RNF130: variants seen among roughly 807,000 people sequenced by gnomAD.
The protein encoded by RNF130 is E3 ubiquitin-protein ligase RNF130.
In RNF130, 21 loss-of-function variants were observed where a neutral mutation model predicts 44.6. The observed-to-expected ratio is 0.47, with a 90% CI of 0.33 to 0.68. The LOEUF is 0.68. Among genes scored for constraint, RNF130 ranks in the 30% least tolerant of loss-of-function variants. RNF130 has a pLI of 0.02. For missense variants in RNF130, 479 were observed against 560.6 expected (o/e 0.85, Z 1.47); for synonymous variants, 214 against 210.4 (o/e 1.02, Z -0.15).
At chr5:180,024,722 A>G (rs926463240) in intron 2 of RNF130, among the ~76,000 whole-genome samples, 7 of 152,244 alleles carry the variant, frequency 4.6e-5, no homozygotes, top group Non-Finnish European at 8.8e-5. Flanking sequence ...TTCAGAAAGA[A>G]ATAAAGAACA....
At chr5:179,922,053 G>C (rs1761640289) in intron 7 of RNF130, among the ~76,000 whole-genome samples, 1 of 151,448 alleles carries the variant, frequency 6.6e-6, no homozygotes, top group Non-Finnish European at 1.5e-5. Flanking sequence ...GAAAAAAAAA[G>C]ATGGCCCTAC....
Position 179,980,010 on chromosome 5 carries a change from T to G in RNF130, c.765+119A>C, listed in dbSNP as rs12522345. On this transcript the variant is annotated intron_variant, in intron 4 of 8. Transcript: ENST00000521389. ...TAGTTTAAAATAAAGCATTAGGTAG[T>G]GTAGTTGGAGAAAATCTAACGAATG... The G allele has an allele frequency of 4.6e-5, 36 of 786,222 alleles. No homozygotes were observed. The Admixed American group carries it at 7.3e-4, about 16-fold the overall frequency. 48.7% of individuals were successfully genotyped at this position (786,222 alleles called of 1,614,324 possible). A position where few individuals can be genotyped will look rare whatever the true frequency, so the allele number is the denominator to read the frequency against.
At chr5:179,930,207 G>GCA (rs1761787564) in intron 7 of RNF130, among the ~76,000 whole-genome samples, 1 of 152,024 alleles carries the variant, frequency 6.6e-6, no homozygotes, top group African/African-American at 2.4e-5. Context: ...ACAGGCATCT[G>GCA]CCACCACACC....
chr5:179,986,425 T>C (rs969676626), intron 3 of RNF130, among the ~76,000 whole-genome samples: 23 of 152,186 alleles, frequency 1.5e-4, no homozygotes, highest in African/African-American at 4.1e-4. Context: ...ACAGGTCCCA[T>C]GGTGTAATAT....
At position 179,966,830 on chromosome 5, in the gene RNF130, C is replaced by T; in HGVS notation, c.1126G>A (p.Gly376Arg). 2.5e-6 allele frequency: 4 copies of T among 1,614,058 alleles called. No individual in the cohort carries two copies. Among genetic ancestry groups the T allele is most frequent in the Non-Finnish European group, 3.4e-6 (4 of 1,179,974 alleles). Residue 376 changes from glycine to arginine, a missense_variant, in exon 7 of 9, where the codon GGA (glycine) becomes AGA (arginine). Physicochemically the swap from Gly to Arg is moderately radical, Grantham distance 125. This residue lies in a region of RNF130 where 161 missense variants were observed against 158.6 expected (regional missense o/e 1.02). Coordinates refer to ENST00000521389, the MANE Select transcript of RNF130 (RefSeq NM_018434.6). ...PQDGELTPRT[G>R]EINIAVTKEW... ...CTTGTTACTGCAATGTTGATTTCTCCTGTTCTCGGAGTGAGCTCCCCATCC... is the reference window on the plus strand; with the variant it reads ...CTTGTTACTGCAATGTTGATTTCTCTTGTTCTCGGAGTGAGCTCCCCATCC...
At chr5:180,033,796 T>C (rs1307666889) in intron 2 of RNF130, among the ~76,000 whole-genome samples, 1 of 152,188 alleles carries the variant, frequency 6.6e-6, no homozygotes, top group Non-Finnish European at 1.5e-5. Flanking sequence ...TCTAGTGGTT[T>C]TTAATAAATT....
At chr5:180,001,439 C>G (rs148475832) in intron 3 of RNF130, among the ~76,000 whole-genome samples, 2 of 152,258 alleles carry the variant, frequency 1.3e-5, no homozygotes, top group Non-Finnish European at 2.9e-5. Flanking sequence ...CCCACATGGT[C>G]AGGATCTGTG....
chr5:179,954,341 C>A (rs1762169369), downstream of RNF130, among the ~76,000 whole-genome samples: 1 of 152,212 alleles, frequency 6.6e-6, no homozygotes, highest in African/African-American at 2.4e-5. Context: ...GGAAACAAGT[C>A]AAGCGTCCAT....
At chr5:180,003,801 T>A (rs1178624425) in intron 3 of RNF130, among the ~76,000 whole-genome samples, 1 of 152,222 alleles carries the variant, frequency 6.6e-6, no homozygotes, top group East Asian at 1.9e-4. Context: ...GTCTCTTACC[T>A]TCACCTAAAC....
At chr5:179,997,610 G>T (rs1287645433) in intron 3 of RNF130, among the ~76,000 whole-genome samples, 1 of 152,040 alleles carries the variant, frequency 6.6e-6, no homozygotes, top group Non-Finnish European at 1.5e-5. Context: ...TTACAGGTGT[G>T]AGCCACCGCG....
At chr5:180,015,011 A>G (rs188421169) in intron 2 of RNF130, among the ~76,000 whole-genome samples, 4 of 152,306 alleles carry the variant, frequency 2.6e-5, no homozygotes, top group Non-Finnish European at 2.9e-5. Flanking sequence ...CAACAGTAAA[A>G]GGAGTTTTAT....
chr5:179,980,053 G>T (rs1412340655), intron 4 of RNF130, 76 bp downstream of exon 4: 5 of 1,160,354 alleles, frequency 4.3e-6, no homozygotes, highest in Non-Finnish European at 6.5e-6. Flanking sequence ...AACAATTAGG[G>T]TGTGTCCTCT....
At chr5:180,022,548 T>C (rs897876998) in intron 2 of RNF130, among the ~76,000 whole-genome samples, 1 of 152,186 alleles carries the variant, frequency 6.6e-6, no homozygotes, top group South Asian at 2.1e-4. Context: ...TCTCCTTACA[T>C]CTGATTATGG....
chr5:180,069,046 C>T lies in RNF130; in HGVS notation c.247+2410G>A, dbSNP rs116554352. 7.6e-4 allele frequency among the ~76,000 whole-genome samples: 115 copies of T among 152,232 alleles called. 1 individual carries two copies. The highest frequency in any genetic ancestry group is 2.7e-3 in the African/African-American group (111 of 41,546). On this transcript the variant is annotated intron_variant, in intron 1 of 8. Coordinates refer to ENST00000521389, the MANE Select transcript of RNF130 (RefSeq NM_018434.6). Reference sequence around the variant, plus strand: ...TATAATGTAAAATACCCAAGTATTCCAATTTTAAATCATTTTCTTAACACG... The same window carrying T: ...TATAATGTAAAATACCCAAGTATTCTAATTTTAAATCATTTTCTTAACACG...
At chr5:179,926,537 TA>T (rs1332506602) in intron 7 of RNF130, among the ~76,000 whole-genome samples, 1 of 111,688 alleles carries the variant, frequency 9.0e-6, no homozygotes, top group African/African-American at 4.9e-5. Context: ...TAATCCCAGT[TA>T]CTCGGGAGGC....
In RNF130 at chr5:180,003,005, A is replaced by G. The variant is rs150489243; in HGVS notation, c.693+10056T>C. On this transcript the variant is annotated intron_variant, in intron 3 of 8. Coordinates refer to ENST00000521389, the MANE Select transcript of RNF130 (RefSeq NM_018434.6). ...ATTCTGTTCAGATCAGAATTCTACC[A>G]AAGAGTTCTGAACAGAAAAGTTCCT... Among the ~76,000 whole-genome samples, 878 of 152,188 alleles carry G rather than the reference A, an allele frequency of 5.8e-3. 15 individuals are homozygous for G. Among genetic ancestry groups the G allele is most frequent in the African/African-American group, 0.02 (835 of 41,518 alleles).
chr5:180,066,225 A>G lies in RNF130; in HGVS notation c.247+5231T>C, dbSNP rs572262377. Among the ~76,000 whole-genome samples the G allele has an allele frequency of 2.6e-5, 4 of 152,314 alleles. No individual in the cohort carries two copies. In the South Asian group the frequency reaches 8.3e-4, roughly 32 times the overall value. ...CGGTTTCCCCCATACTATTCTCGTGATAGTGAATAAGTCTCACCAGATCTG... is the reference window on the plus strand; with the variant it reads ...CGGTTTCCCCCATACTATTCTCGTGGTAGTGAATAAGTCTCACCAGATCTG... On this transcript the variant is annotated intron_variant, in intron 1 of 8. Coordinates refer to ENST00000521389, the MANE Select transcript of RNF130 (RefSeq NM_018434.6).
At chr5:179,935,487 G>A (rs1034537392) in intron 7 of RNF130, among the ~76,000 whole-genome samples, 32 of 150,850 alleles carry the variant, frequency 2.1e-4, no homozygotes, top group African/African-American at 7.6e-4. Context: ...TTCAACATTT[G>A]TTTCTTTTCA....
At chr5:180,065,381 G>A (rs952136906) in intron 1 of RNF130, among the ~76,000 whole-genome samples, 11 of 152,040 alleles carry the variant, frequency 7.2e-5, no homozygotes, top group Non-Finnish European at 1.0e-4. Flanking sequence ...CAATGTTCCC[G>A]TTTTATGGCT....
Sources: allele counts gnomAD v4.1 joint callset (sites outside exome capture counted in the v4.1 genomes callset), GRCh38; gene constraint gnomAD v4.1.1; regional missense constraint gnomAD v4.1.1; transcripts MANE v1.5; gene names NCBI Gene and HGNC (gene_info 2026-07-23, HGNC 2026-07-21).